Variants in KCNQ5 observed in about 807,000 individuals in gnomAD.
The protein encoded by KCNQ5 is potassium voltage-gated channel subfamily KQT member 5.
KCNQ5 carries 30 observed loss-of-function variants against 98.2 expected under a neutral mutation model. The ratio of observed to expected loss-of-function variants is 0.31; its 90% confidence interval spans 0.23 to 0.41. The LOEUF (loss-of-function observed/expected upper bound fraction) is 0.41, where lower values mean the gene tolerates loss of function less well. Ranked by LOEUF, KCNQ5 falls within the 10% of genes least tolerant of loss-of-function variation. The pLI is 1.00. For synonymous variants in KCNQ5, 458 were observed against 449.4 expected, an observed-to-expected ratio of 1.02 and a Z score of -0.24; for missense variants, 835 against 1,182.5, an observed-to-expected ratio of 0.71 and a Z score of 4.31.
intron 1 of KCNQ5, among the ~76,000 whole-genome samples, chr6:72,876,050 T>C (rs532480739): frequency 3.3e-5 from 5 of 152,076 alleles, no homozygotes; most frequent in Admixed American, 2.0e-4. Flanking sequence ...ACCTAGTCAA[T>C]TGGCTTTTTG....
intron 1 of KCNQ5, among the ~76,000 whole-genome samples, chr6:72,815,207 T>A (rs1393521534): frequency 1.3e-5 from 2 of 152,158 alleles, no homozygotes; most frequent in Admixed American, 1.3e-4. Context: ...GATGGGGACT[T>A]TATAACCTCA....
At chr6:72,742,803 TCCAAATGC>T (rs1481708512) in intron 1 of KCNQ5, among the ~76,000 whole-genome samples, 4 of 152,142 alleles carry the variant, frequency 2.6e-5, no homozygotes, top group Admixed American at 2.6e-4. Context: ...GAGAGTCAAC[TCCAAATGC>T]AGAAATGAAC....
intron 1 of KCNQ5, among the ~76,000 whole-genome samples, chr6:72,645,880 G>A (rs1765572399): frequency 6.6e-6 from 1 of 152,110 alleles, no homozygotes; most frequent in Admixed American, 6.6e-5. Flanking sequence ...TTTAATGAAA[G>A]AAAAGCCTGA....
chr6:72,842,921 T>C (rs1391916626), intron 1 of KCNQ5, among the ~76,000 whole-genome samples: 1 of 152,226 alleles, frequency 6.6e-6, no homozygotes, highest in African/African-American at 2.4e-5. Flanking sequence ...AAAAATTTTC[T>C]CCCATTCTGT....
intron 1 of KCNQ5, among the ~76,000 whole-genome samples, chr6:72,841,408 T>C (rs770429379): frequency 2.0e-5 from 3 of 152,186 alleles, no homozygotes; most frequent in Non-Finnish European, 4.4e-5. Context: ...TATTACGTCA[T>C]AGGTATAGCA....
At chr6:72,898,294 T>G (rs1335632059) in intron 1 of KCNQ5, among the ~76,000 whole-genome samples, 1 of 152,090 alleles carries the variant, frequency 6.6e-6, no homozygotes. Flanking sequence ...TGCATTAGCT[T>G]TTTGTCCTGA....
chr6:72,715,128 G>A (rs992037477), intron 1 of KCNQ5, among the ~76,000 whole-genome samples: 51 of 152,126 alleles, frequency 3.4e-4, no homozygotes, highest in Non-Finnish European at 4.7e-4. Flanking sequence ...AGAAGTGCAT[G>A]CAAACTATTT....
intron 1 of KCNQ5, among the ~76,000 whole-genome samples, chr6:72,701,552 G>T (rs113760225): frequency 0.01 from 1,548 of 152,064 alleles, 25 homozygotes; most frequent in African/African-American, 0.035. Flanking sequence ...AGAGACTTGT[G>T]GGGGCGGTTC....
chr6:73,165,550 TCTC>T (rs1343009557), intron 10 of KCNQ5, among the ~76,000 whole-genome samples: 1 of 152,048 alleles, frequency 6.6e-6, no homozygotes, highest in East Asian at 1.9e-4. Context: ...CAAAATCAAA[TCTC>T]CTCTGGATTT....
At chr6:72,814,800 T>C (rs1227825121) in intron 1 of KCNQ5, among the ~76,000 whole-genome samples, 2 of 152,224 alleles carry the variant, frequency 1.3e-5, no homozygotes, top group Admixed American at 6.5e-5. Context: ...GAATTAATTC[T>C]TTTCTTGGTT....
At chr6:72,794,073 T>C (rs1201916226) in intron 1 of KCNQ5, among the ~76,000 whole-genome samples, 4 of 152,208 alleles carry the variant, frequency 2.6e-5, no homozygotes, top group Non-Finnish European at 4.4e-5. Flanking sequence ...CACAAAGAAG[T>C]ATTATCATAA....
intron 3 of KCNQ5, among the ~76,000 whole-genome samples, chr6:73,043,979 T>G (rs974323973): frequency 6.6e-6 from 1 of 152,200 alleles, no homozygotes; most frequent in African/African-American, 2.4e-5. Context: ...GATGTATCAA[T>G]AGTGACCTTA....
chr6:73,078,284 T>C (rs953923399), intron 5 of KCNQ5, among the ~76,000 whole-genome samples: 48 of 152,144 alleles, frequency 3.2e-4, no homozygotes, highest in African/African-American at 1.1e-3. Context: ...AAAAAATGAA[T>C]GGAAGCTGTG....
chr6:72,673,781 C>T (rs769450856), intron 1 of KCNQ5, among the ~76,000 whole-genome samples: 1 of 152,194 alleles, frequency 6.6e-6, no homozygotes, highest in Non-Finnish European at 1.5e-5. Context: ...ATGTTCACAT[C>T]TTCAACTATC....
At chr6:72,727,196 C>T (rs539649888) in intron 1 of KCNQ5, among the ~76,000 whole-genome samples, 1 of 152,320 alleles carries the variant, frequency 6.6e-6, no homozygotes, top group South Asian at 2.1e-4. Context: ...GCCATGGGGG[C>T]AAGAGGGACA....
chr6:72,693,544 A>G (rs984346386), intron 1 of KCNQ5, among the ~76,000 whole-genome samples: 1 of 152,068 alleles, frequency 6.6e-6, no homozygotes, highest in Non-Finnish European at 1.5e-5. Context: ...CTCTGGAGGA[A>G]AAAAAGGGTA....
intron 1 of KCNQ5, among the ~76,000 whole-genome samples, chr6:72,804,234 C>T (rs979303731): frequency 1.9e-4 from 29 of 151,886 alleles, no homozygotes; most frequent in African/African-American, 6.3e-4. Flanking sequence ...CTGTAGTCAC[C>T]CTGTTGTGCT....
chr6:73,097,889 A>G (rs1365814575), intron 5 of KCNQ5, among the ~76,000 whole-genome samples: 1 of 152,180 alleles, frequency 6.6e-6, no homozygotes, highest in African/African-American at 2.4e-5. Flanking sequence ...AAATACCAGG[A>G]AAGCCTTCCC....
chr6:72,803,342 G>A (rs2150095906), intron 1 of KCNQ5, among the ~76,000 whole-genome samples: 1 of 152,274 alleles, frequency 6.6e-6, no homozygotes, highest in South Asian at 2.1e-4. Context: ...TCACCTCACT[G>A]CCTCATTGCT....
Sources: gnomAD v4.1 joint callset for allele counts (sites outside exome capture counted in the v4.1 genomes callset) on GRCh38, gnomAD v4.1.1 for gene constraint, MANE v1.5 for transcripts, NCBI Gene and HGNC (gene_info 2026-07-23, HGNC 2026-07-21) for gene names.